BLVRA: variants seen among roughly 807,000 people sequenced by gnomAD.
BLVRA encodes the protein BVR A.
In BLVRA, 22 loss-of-function variants were observed where a neutral mutation model predicts 32.8. The observed-to-expected ratio is 0.67, with a 90% confidence interval of 0.48 to 0.96. The LOEUF is 0.96. Among genes scored for constraint, BLVRA ranks in the 40% least tolerant of loss-of-function variants. BLVRA has a pLI of 0.00. For synonymous variants in BLVRA, 119 were observed against 141.3 expected (o/e 0.84, Z 1.12); for missense variants, 323 against 358.1 (o/e 0.90, Z 0.79).
intron 1 of BLVRA, among the ~76,000 whole-genome samples, chr7:43,769,179 C>T (rs1245066222): frequency 1.3e-5 from 2 of 151,800 alleles, no homozygotes; most frequent in Non-Finnish European, 2.9e-5. Flanking sequence ...AGGTGTATGC[C>T]ACAATGCCTG....
chr7:43,796,764 C>T (rs1267342230), intron 5 of BLVRA, among the ~76,000 whole-genome samples: 3 of 152,270 alleles, frequency 2.0e-5, no homozygotes, highest in Non-Finnish European at 4.4e-5. Context: ...AGTGAAAAAG[C>T]AGTCTATGTA....
chr7:43,795,460 G>A (rs1209779216), intron 5 of BLVRA, among the ~76,000 whole-genome samples: 4 of 151,944 alleles, frequency 2.6e-5, no homozygotes, highest in East Asian at 3.9e-4. Flanking sequence ...AGGTTGCAGT[G>A]AGGGAGATCG....
At chr7:43,795,817 AAG>A (rs2095792008) in intron 5 of BLVRA, among the ~76,000 whole-genome samples, 1 of 152,002 alleles carries the variant, frequency 6.6e-6, no homozygotes, top group Non-Finnish European at 1.5e-5. Flanking sequence ...TAAGAAAAAA[AAG>A]AGTCGGCCGG....
chr7:43,789,804 C>T (rs2095783227), intron 3 of BLVRA, among the ~76,000 whole-genome samples: 1 of 152,052 alleles, frequency 6.6e-6, no homozygotes, highest in Non-Finnish European at 1.5e-5. Flanking sequence ...GTATTCCTTT[C>T]CCACCCTGAG....
intron 1 of BLVRA, among the ~76,000 whole-genome samples, chr7:43,766,544 C>T (rs1002313907): frequency 1.3e-5 from 2 of 152,142 alleles, no homozygotes; most frequent in African/African-American, 4.8e-5. Context: ...TAAAGTTCCT[C>T]CTTGATTCTG....
chr7:43,767,476 T>A, intron 1 of BLVRA: 1 of 1,373,480 alleles, frequency 7.3e-7, no homozygotes, highest in Non-Finnish European at 1.0e-6. Context: ...GGATATCCAA[T>A]AAGGACAGCT....
chr7:43,803,610 C>G (rs2095801057), intron 6 of BLVRA, 66 bp from the exon 7 acceptor site: 1 of 1,471,920 alleles, frequency 6.8e-7, no homozygotes, highest in Non-Finnish European at 9.4e-7. Context: ...ACCCCCACCC[C>G]CCTGTCCTGC....
intron 1 of BLVRA, among the ~76,000 whole-genome samples, chr7:43,763,060 A>G (rs1442484961): frequency 6.6e-6 from 1 of 152,172 alleles, no homozygotes; most frequent in Non-Finnish European, 1.5e-5. Context: ...CCCAACAGTG[A>G]AAAGCATAAA....
intron 2 of BLVRA, among the ~76,000 whole-genome samples, chr7:43,780,500 C>A (rs1314798288): frequency 6.6e-6 from 1 of 152,234 alleles, no homozygotes; most frequent in Non-Finnish European, 1.5e-5. Flanking sequence ...TCTTTCCAGT[C>A]TGTCCCTTCC....
At chr7:43,785,551 G>T (rs868527527) in intron 2 of BLVRA, among the ~76,000 whole-genome samples, 9 of 152,160 alleles carry the variant, frequency 5.9e-5, no homozygotes, top group Non-Finnish European at 1.3e-4. Flanking sequence ...AGAAAGAGAG[G>T]CAGTTAGTCA....
intron 2 of BLVRA, among the ~76,000 whole-genome samples, chr7:43,783,114 T>A (rs892944863): frequency 6.6e-6 from 1 of 152,202 alleles, no homozygotes; most frequent in Non-Finnish European, 1.5e-5. Flanking sequence ...CTGATATTTA[T>A]GTCTGTTTTC....
At chr7:43,780,558 TTTC>T (rs1489706356) in intron 2 of BLVRA, among the ~76,000 whole-genome samples, 1 of 152,146 alleles carries the variant, frequency 6.6e-6, no homozygotes, top group Non-Finnish European at 1.5e-5. Flanking sequence ...ACCTAATTCT[TTTC>T]TTCTTCTCCT....
chr7:43,793,017 G>A (rs1468142628), intron 5 of BLVRA, among the ~76,000 whole-genome samples: 1 of 152,144 alleles, frequency 6.6e-6, no homozygotes, highest in Non-Finnish European at 1.5e-5. Context: ...TTTGGTCAAA[G>A]CTTATCAGCT....
At position 43,800,515 on chromosome 7, in the gene BLVRA, T is replaced by G. The variant is rs1563551526; in HGVS notation, c.403T>G (p.Phe135Val). Residue 135 changes from phenylalanine (F) to valine (V), a missense_variant, in exon 6 of 8, where the codon TTC (phenylalanine) becomes GTC (valine). By Grantham distance (50) the Phe-to-Val change is conservative. Transcript: ENST00000265523. ...TGAACTCTTGATGGAGGAATTCGCTTTCCTGAAAAAAGAAGTGGTGGGGAA... is the reference window on the plus strand; with the variant it reads ...TGAACTCTTGATGGAGGAATTCGCTGTCCTGAAAAAAGAAGTGGTGGGGAA... ...HVELLMEEFA[F>V]LKKEVVGKDL... 2 of 1,614,004 alleles carry G rather than the reference T, an allele frequency of 1.2e-6. No individual in the cohort carries two copies. Among genetic ancestry groups the G allele is most frequent in the Non-Finnish European group, 1.7e-6 (2 of 1,179,958 alleles).
intron 2 of BLVRA, among the ~76,000 whole-genome samples, chr7:43,783,227 T>G (rs2095772292): frequency 6.6e-6 from 1 of 152,228 alleles, no homozygotes; most frequent in African/African-American, 2.4e-5. Context: ...CCTTCTTCCC[T>G]CCTATCCCTG....
intron 5 of BLVRA, among the ~76,000 whole-genome samples, chr7:43,794,595 C>T (rs559446125): frequency 2.0e-5 from 3 of 152,028 alleles, no homozygotes; most frequent in South Asian, 2.1e-4. Context: ...ATTAGCTGGG[C>T]GTGGTGGCGC....
intron 1 of BLVRA, among the ~76,000 whole-genome samples, chr7:43,768,203 T>C (rs1471502709): frequency 2.0e-5 from 3 of 152,198 alleles, no homozygotes; most frequent in Non-Finnish European, 4.4e-5. Context: ...TGAATTTCCT[T>C]TTCTGGGAAC....
At chr7:43,798,453 A>G (rs2095795223) in intron 5 of BLVRA, among the ~76,000 whole-genome samples, 1 of 152,154 alleles carries the variant, frequency 6.6e-6, no homozygotes, top group Non-Finnish European at 1.5e-5. Flanking sequence ...ATTTTATATC[A>G]GTAGAAACTC....
rs1355774980 is a variant in BLVRA at position 43,773,287 on chromosome 7, T to A, written c.12+2117T>A. On this transcript the variant is annotated intron_variant, in intron 2 of 7. Coordinates refer to ENST00000265523, the MANE Select transcript of BLVRA (RefSeq NM_000712.4). The stretch of plus-strand genomic sequence containing the variant: ...ATATCTCCTAATGCTATCCCTCCCC[T>A]CTCCCCCCACCCCACAACAGTCCCC... 6.7e-5 allele frequency among the ~76,000 whole-genome samples: 10 copies of A among 148,310 alleles called. 1 individual carries two copies. The East Asian group carries it at 2.1e-3, about 31-fold the overall frequency.
Sources: allele counts gnomAD v4.1 joint callset (sites outside exome capture counted in the v4.1 genomes callset), GRCh38; gene constraint gnomAD v4.1.1; transcripts MANE v1.5; gene names NCBI Gene and HGNC (gene_info 2026-07-23, HGNC 2026-07-21).